The following PDE4D variants were observed in gnomAD, a reference collection of about 807,000 sequenced individuals.
PDE4D encodes the protein 3',5'-cyclic-AMP phosphodiesterase 4D.
A neutral mutation model predicts 87.4 loss-of-function variants in PDE4D; 24 were observed. The observed-to-expected ratio is 0.27, with a 90% CI of 0.20 to 0.39. The LOEUF is 0.39. Among genes scored for constraint, PDE4D ranks in the 10% least tolerant of loss-of-function variants. PDE4D has a pLI of 1.00. For missense variants in PDE4D, 714 were observed against 1,041.0 expected, an observed-to-expected ratio of 0.69 and a Z score of 4.32; for synonymous variants, 384 against 383.2, an observed-to-expected ratio of 1.00 and a Z score of -0.02.
At chr5:60,216,347 ATC>A (rs1484994678) in intron 1 of PDE4D, among the ~76,000 whole-genome samples, 1 of 152,116 alleles carries the variant, frequency 6.6e-6, no homozygotes, top group Non-Finnish European at 1.5e-5. Context: ...TGTAATAGAC[ATC>A]TATTATTTGT....
chr5:59,300,111 CAAAAA>C (rs58771016), intron 1 of PDE4D, among the ~76,000 whole-genome samples: 24 of 48,754 alleles, frequency 4.9e-4, no homozygotes, highest in African/African-American at 1.2e-3. Context: ...GGGTCTGTCT[CAAAAA>C]AAAAAAAAAA....
chr5:60,217,468 G>A (rs535062962), intron 1 of PDE4D, among the ~76,000 whole-genome samples: 1 of 151,996 alleles, frequency 6.6e-6, no homozygotes, highest in Middle Eastern at 3.4e-3. Flanking sequence ...CCTAGCATCT[G>A]TCAATTTGAA....
chr5:60,293,265 C>A (rs1469925203), intron 1 of PDE4D, among the ~76,000 whole-genome samples: 1 of 152,006 alleles, frequency 6.6e-6, no homozygotes, highest in Non-Finnish European at 1.5e-5. Context: ...GGCACTCATG[C>A]CTGTAATCCC....
At chr5:60,290,155 G>A (rs746753734) in intron 1 of PDE4D, among the ~76,000 whole-genome samples, 2 of 152,144 alleles carry the variant, frequency 1.3e-5, no homozygotes, top group Non-Finnish European at 2.9e-5. Context: ...CATCTGACCA[G>A]CCATTCATAT....
Position 59,816,830 on chromosome 5 carries a change from G to A in PDE4D, c.455+76338C>T, listed in dbSNP as rs73092818. Among the ~76,000 whole-genome samples, 741 of 152,258 alleles carry A rather than the reference G, an allele frequency of 4.9e-3. 2 individuals are homozygous for A. The highest frequency in any genetic ancestry group is 0.017 in the African/African-American group (715 of 41,532). On this transcript the variant is annotated intron_variant, in intron 1 of 14. Coordinates refer to ENST00000340635, the MANE Select transcript of PDE4D (RefSeq NM_001104631.2). ...ATGAAGGCCTGAGTCAAGAGATATC[G>A]TGGGTGGGAGAAGTTACCCTGCATG... is the stretch of plus-strand genomic sequence containing the variant.
intron 5 of PDE4D, among the ~76,000 whole-genome samples, chr5:59,150,495 A>T (rs1019193181): frequency 6.6e-6 from 1 of 152,176 alleles, no homozygotes; most frequent in African/African-American, 2.4e-5. Context: ...AATACAGTGC[A>T]TATCTCCCCT....
intron 2 of PDE4D, among the ~76,000 whole-genome samples, chr5:60,005,170 A>T (rs2046883990): frequency 6.6e-6 from 1 of 152,156 alleles, no homozygotes; most frequent in Non-Finnish European, 1.5e-5. Flanking sequence ...ATAAACCTGG[A>T]GGACATTATG....
At chr5:60,146,044 T>C (rs1190034319) in intron 2 of PDE4D, among the ~76,000 whole-genome samples, 1 of 151,950 alleles carries the variant, frequency 6.6e-6, no homozygotes, top group Non-Finnish European at 1.5e-5. Context: ...TGAAACCCCG[T>C]CTCCACTAAA....
chr5:60,412,570 C>A (rs1027263378), intron 1 of PDE4D, among the ~76,000 whole-genome samples: 6 of 152,106 alleles, frequency 3.9e-5, no homozygotes, highest in African/African-American at 1.4e-4. Context: ...TAGTTCAAAC[C>A]CTGCATGTTT....
At chr5:59,024,723 A>T (rs796403782) in intron 6 of PDE4D, among the ~76,000 whole-genome samples, 3 of 152,348 alleles carry the variant, frequency 2.0e-5, no homozygotes, top group African/African-American at 7.2e-5. Context: ...ATAAACAGAC[A>T]TATTTCTAGT....
At chr5:59,353,772 C>T (rs1780908890) in intron 1 of PDE4D, among the ~76,000 whole-genome samples, 1 of 151,782 alleles carries the variant, frequency 6.6e-6, no homozygotes, top group South Asian at 2.1e-4. Context: ...TCTTTCAATC[C>T]TTCTTTCTGC....
chr5:60,219,295 T>A (rs920308523), intron 1 of PDE4D, among the ~76,000 whole-genome samples: 1 of 152,176 alleles, frequency 6.6e-6, no homozygotes, highest in African/African-American at 2.4e-5. Context: ...ACAATAGATG[T>A]ATGACTTTTG....
chr5:60,432,918 C>T (rs979037578), intron 1 of PDE4D, among the ~76,000 whole-genome samples: 2 of 152,194 alleles, frequency 1.3e-5, no homozygotes, highest in African/African-American at 4.8e-5. Flanking sequence ...AGATCATATA[C>T]AAAAATCAAC....
At chr5:59,156,331 ATGTGTGTGTGTGTG>A (rs60467130) in intron 5 of PDE4D, among the ~76,000 whole-genome samples, 4,199 of 122,786 alleles carry the variant, frequency 0.034, 177 homozygotes, top group South Asian at 0.068. Context: ...ATATATATAT[ATGTGTGTGTGTGTG>A]TGTGTGTGTG....
intron 1 of PDE4D, among the ~76,000 whole-genome samples, chr5:59,342,039 G>C (rs906461680): frequency 6.6e-6 from 1 of 152,120 alleles, no homozygotes; most frequent in Non-Finnish European, 1.5e-5. Context: ...AGCTGCAAGT[G>C]GAAGAGCCAT....
chr5:60,236,027 A>G (rs1583170155), intron 1 of PDE4D, among the ~76,000 whole-genome samples: 1 of 151,932 alleles, frequency 6.6e-6, no homozygotes, highest in East Asian at 1.9e-4. Flanking sequence ...GGAGCAATGC[A>G]TACAGACATT....
chr5:59,480,720 C>T (rs1266699187), intron 1 of PDE4D, among the ~76,000 whole-genome samples: 2 of 152,116 alleles, frequency 1.3e-5, no homozygotes, highest in Non-Finnish European at 2.9e-5. Flanking sequence ...TCTCTTTTTA[C>T]TTGATCCAAT....
intron 1 of PDE4D, among the ~76,000 whole-genome samples, chr5:59,620,259 G>A (rs1371876827): frequency 6.6e-6 from 1 of 152,194 alleles, no homozygotes; most frequent in African/African-American, 2.4e-5. Flanking sequence ...ACCAGTGTAA[G>A]TGGTTGTGTT....
chr5:59,584,115 C>T lies in PDE4D; in HGVS notation c.455+309053G>A, dbSNP rs771888147. 5.3e-4 allele frequency among the ~76,000 whole-genome samples: 80 copies of T among 152,274 alleles called. 1 individual carries two copies. The highest frequency in any genetic ancestry group is 3.4e-3 in the Middle Eastern group (1 of 294). ...GACCTTTATTCTAAGCACGATAATT[C>T]ACGAGCCTGAAATCTCACCCTATAG... On this transcript the variant is annotated intron_variant, in intron 1 of 14. Coordinates refer to ENST00000340635, the MANE Select transcript of PDE4D (RefSeq NM_001104631.2).
Sources: allele counts gnomAD v4.1 joint callset (sites outside exome capture counted in the v4.1 genomes callset), GRCh38; gene constraint gnomAD v4.1.1; transcripts MANE v1.5; gene names NCBI Gene and HGNC (gene_info 2026-07-23, HGNC 2026-07-21).